HSD17B4: variants seen among roughly 807,000 people sequenced by gnomAD.
HSD17B4 encodes the protein hydroxysteroid 17-beta dehydrogenase 4, also known as peroxisomal multifunctional enzyme type 2.
A neutral mutation model predicts 101.0 loss-of-function variants in HSD17B4; 70 were observed. The ratio of observed to expected loss-of-function variants is 0.69; its 90% CI spans 0.57 to 0.85. The LOEUF (loss-of-function observed/expected upper bound fraction) is 0.85, where lower values mean the gene tolerates loss of function less well. HSD17B4 is among the 40% of genes least tolerant of loss of function. The pLI is 0.00. For missense variants in HSD17B4, 984 were observed against 892.4 expected (o/e 1.10, Z -1.31); for synonymous variants, 347 against 297.1 (o/e 1.17, Z -1.73).
intron 18 of HSD17B4, 32 bp downstream of exon 18, chr5:119,525,317 A>T (rs777304459): frequency 7.8e-7 from 1 of 1,277,480 alleles, no homozygotes; most frequent in Non-Finnish European, 1.1e-6. Context: ...TCAATGAAAA[A>T]TATTAGCTAT....
intron 23 of HSD17B4, among the ~76,000 whole-genome samples, chr5:119,538,383 A>C (rs1054984795): frequency 6.6e-6 from 1 of 152,106 alleles, no homozygotes; most frequent in African/African-American, 2.4e-5. Context: ...TACTTCTTCC[A>C]GTCTTGTCTC....
chr5:119,471,792 C>T (rs1402707951), intron 2 of HSD17B4: 5 of 670,934 alleles, frequency 7.5e-6, no homozygotes, highest in African/African-American at 7.4e-5. Context: ...TAAATTTTTT[C>T]ATAAATTATT....
At chr5:119,492,940 C>G (rs1750248665) in intron 10 of HSD17B4, 1 of 152,078 alleles carries the variant, frequency 6.6e-6, no homozygotes, top group Admixed American at 6.6e-5. Context: ...CTCTGGAGGG[C>G]ATTGCTGTAG....
At chr5:119,512,563 GAA>G (rs552316949) in intron 16 of HSD17B4, among the ~76,000 whole-genome samples, 1 of 139,650 alleles carries the variant, frequency 7.2e-6, no homozygotes, top group Non-Finnish European at 1.6e-5. Context: ...GTGCTGAAAG[GAA>G]AAAAAAAAAA....
intron 6 of HSD17B4, chr5:119,476,767 G>T (rs1158466724): frequency 1.1e-6 from 1 of 892,272 alleles, no homozygotes; most frequent in Admixed American, 6.2e-5. Context: ...CACTACTCCT[G>T]ACTACCCTTC....
chr5:119,527,635 A>C (rs187961262), intron 20 of HSD17B4, among the ~76,000 whole-genome samples: 1 of 152,082 alleles, frequency 6.6e-6, no homozygotes, highest in African/African-American at 2.4e-5. Context: ...TTAATGAAGG[A>C]TCTTGCAATA....
chr5:119,493,831 G>C lies in HSD17B4; in HGVS notation c.753G>C (p.Arg251=). 6.2e-7 allele frequency: 1 copy of C among 1,612,732 alleles called. No homozygotes were observed. The highest frequency in any genetic ancestry group is 8.5e-7 in the Non-Finnish European group (1 of 1,178,988). ...AGWIGKLRWE[R]TLGAIVRQKN... ...TTCTATAACCAGTACGCTGGGAGCG[G>C]ACTCTTGGAGCTATTGTAAGACAAA... The change falls in exon 11 of 24, where the codon CGG becomes CGC. Residue 251 remains arginine (R), a synonymous_variant. Coordinates refer to ENST00000510025, the MANE Select transcript of HSD17B4 (RefSeq NM_000414.4).
chr5:119,469,106 T>G (rs964685620), intron 2 of HSD17B4, among the ~76,000 whole-genome samples: 1 of 151,924 alleles, frequency 6.6e-6, no homozygotes, highest in Non-Finnish European at 1.5e-5. Flanking sequence ...GTTGAATTTC[T>G]CATTTAGATA....
intron 2 of HSD17B4, among the ~76,000 whole-genome samples, chr5:119,466,512 C>G (rs1422496574): frequency 2.6e-5 from 4 of 152,092 alleles, no homozygotes; most frequent in African/African-American, 4.8e-5. Flanking sequence ...TTCAGATTTT[C>G]TATTTCTTCT....
At chr5:119,487,742 A>G (rs1749735339) in intron 8 of HSD17B4, among the ~76,000 whole-genome samples, 1 of 152,192 alleles carries the variant, frequency 6.6e-6, no homozygotes, top group South Asian at 2.1e-4. Flanking sequence ...TCAAATATCC[A>G]AATCCCTGTA....
intron 17 of HSD17B4, among the ~76,000 whole-genome samples, chr5:119,522,310 T>C (rs1001127075): frequency 2.7e-4 from 41 of 152,194 alleles, no homozygotes; most frequent in Non-Finnish European, 5.0e-4. Flanking sequence ...GTATATGTGC[T>C]ACATTTTTTT....
At chr5:119,519,558 A>C (rs1290710536) in intron 17 of HSD17B4, among the ~76,000 whole-genome samples, 3 of 152,224 alleles carry the variant, frequency 2.0e-5, no homozygotes. Flanking sequence ...AGTCACTTGC[A>C]TGTAACTGCC....
intron 2 of HSD17B4, 126 bp from the exon 3 acceptor site, chr5:119,473,782 A>G (rs1748277124): frequency 5.6e-6 from 4 of 713,378 alleles, no homozygotes; most frequent in Non-Finnish European, 7.8e-6. Flanking sequence ...GGGATAGGGT[A>G]GGAAGGAACT....
chr5:119,457,060 A>T (rs1017942560), intron 2 of HSD17B4, among the ~76,000 whole-genome samples: 1 of 152,192 alleles, frequency 6.6e-6, no homozygotes, highest in Non-Finnish European at 1.5e-5. Context: ...CAGATGGAAG[A>T]TACTGTATTG....
At chr5:119,461,419 A>G (rs1401305367) in intron 2 of HSD17B4, among the ~76,000 whole-genome samples, 2 of 152,238 alleles carry the variant, frequency 1.3e-5, no homozygotes, top group African/African-American at 4.8e-5. Flanking sequence ...GTCAGACTGA[A>G]GGCAATGATA....
intron 8 of HSD17B4, among the ~76,000 whole-genome samples, chr5:119,485,714 A>G (rs1188956441): frequency 2.0e-5 from 3 of 152,204 alleles, no homozygotes; most frequent in Non-Finnish European, 4.4e-5. Flanking sequence ...CCCCTTTGAA[A>G]TACACTTGAT....
intron 2 of HSD17B4, among the ~76,000 whole-genome samples, chr5:119,463,097 A>G (rs531577590): frequency 6.6e-6 from 1 of 152,212 alleles, no homozygotes; most frequent in Non-Finnish European, 1.5e-5. Flanking sequence ...ATGAGTGAAA[A>G]CATGATGTAT....
intron 15 of HSD17B4, among the ~76,000 whole-genome samples, chr5:119,508,230 C>CA (rs11418368): frequency 0.48 from 70,789 of 146,692 alleles, 17,471 homozygotes; most frequent in East Asian, 0.92. Context: ...TGTAACATAC[C>CA]AAAAAAAAAA....
At chr5:119,454,774 A>G (rs1398049926) in intron 1 of HSD17B4, among the ~76,000 whole-genome samples, 1 of 150,988 alleles carries the variant, frequency 6.6e-6, no homozygotes, top group Non-Finnish European at 1.5e-5. Context: ...GGTGCACACC[A>G]CCAAGCCCAG....
Sources: gnomAD v4.1 joint callset for allele counts (sites outside exome capture counted in the v4.1 genomes callset) on GRCh38, gnomAD v4.1.1 for gene constraint, MANE v1.5 for transcripts, NCBI Gene and HGNC (gene_info 2026-07-23, HGNC 2026-07-21) for gene names.